The following SHC3 variants were observed in gnomAD, a reference collection of about 807,000 sequenced individuals.
SHC3 encodes SHC adaptor protein 3.
Under a neutral mutation model 60.4 loss-of-function variants are expected in SHC3, and 15 were observed. The ratio of observed to expected loss-of-function variants is 0.25; its 90% CI spans 0.17 to 0.38. The LOEUF is 0.38. Among genes scored for constraint, SHC3 ranks in the 10% least tolerant of loss-of-function variants. The pLI is 1.00. For missense variants in SHC3, 677 were observed against 786.1 expected, an observed-to-expected ratio of 0.86 and a Z score of 1.66; for synonymous variants, 294 against 325.9, an observed-to-expected ratio of 0.90 and a Z score of 1.05.
At chr9:89,078,537 G>A (rs1418262392) in intron 2 of SHC3, among the ~76,000 whole-genome samples, 4 of 152,198 alleles carry the variant, frequency 2.6e-5, no homozygotes, top group Admixed American at 6.5e-5. Flanking sequence ...GCAGGCATGG[G>A]TCCCGGTGGA....
At chr9:89,016,274 G>A (rs1011144655) in intron 11 of SHC3, among the ~76,000 whole-genome samples, 5 of 152,020 alleles carry the variant, frequency 3.3e-5, no homozygotes, top group East Asian at 1.9e-4. Context: ...CAGGAATAAC[G>A]GAATTCAACT....
intron 1 of SHC3, among the ~76,000 whole-genome samples, chr9:89,148,337 C>A (rs1444062276): frequency 6.6e-6 from 1 of 152,118 alleles, no homozygotes; most frequent in African/African-American, 2.4e-5. Flanking sequence ...GGAATCTGAT[C>A]TTAGCAAAGA....
chr9:89,059,525 G>A (rs1405468770), intron 6 of SHC3, among the ~76,000 whole-genome samples: 1 of 149,926 alleles, frequency 6.7e-6, no homozygotes, highest in Non-Finnish European at 1.5e-5. Context: ...GGATGTGGTG[G>A]AGGACAGTGG....
chr9:89,149,178 T>C (rs771767204), intron 1 of SHC3, among the ~76,000 whole-genome samples: 1 of 152,152 alleles, frequency 6.6e-6, no homozygotes, highest in Non-Finnish European at 1.5e-5. Flanking sequence ...CGCACACTGG[T>C]GTGGTAAGGA....
chr9:89,051,853 C>T (rs1306676972), intron 7 of SHC3, among the ~76,000 whole-genome samples, 184 bp downstream of exon 7: 1 of 152,216 alleles, frequency 6.6e-6, no homozygotes, highest in African/African-American at 2.4e-5. Context: ...AAGCATCATC[C>T]ATATGTTGGC....
chr9:89,177,856 T>G, intron 1 of SHC3, 131 bp downstream of exon 1: 1 of 1,114,078 alleles, frequency 9.0e-7, no homozygotes, highest in Non-Finnish European at 1.1e-6. Context: ...TGCTAAGGAG[T>G]GCGCATTTGC....
At chr9:89,113,258 T>C (rs944520445) in intron 1 of SHC3, among the ~76,000 whole-genome samples, 1 of 152,160 alleles carries the variant, frequency 6.6e-6, no homozygotes, top group Non-Finnish European at 1.5e-5. Flanking sequence ...GTTTCACACA[T>C]GAAAATGTAT....
intron 11 of SHC3, among the ~76,000 whole-genome samples, chr9:89,018,036 G>A (rs1010383733): frequency 5.3e-5 from 8 of 152,216 alleles, no homozygotes; most frequent in African/African-American, 2.4e-5. Context: ...CTTTTACACT[G>A]TTGGTGGGAG....
At chr9:89,033,567 G>A (rs545643471) in intron 11 of SHC3, among the ~76,000 whole-genome samples, 2 of 152,198 alleles carry the variant, frequency 1.3e-5, no homozygotes, top group South Asian at 2.1e-4. Flanking sequence ...CTCTTAACCT[G>A]TAAAAGCCCA....
chr9:89,159,849 G>T (rs1172777146), intron 1 of SHC3, among the ~76,000 whole-genome samples: 1 of 152,206 alleles, frequency 6.6e-6, no homozygotes, highest in Non-Finnish European at 1.5e-5. Flanking sequence ...CCAGATTAAG[G>T]TCTGCCTTTC....
chr9:89,018,780 G>A (rs1421023057), intron 11 of SHC3, among the ~76,000 whole-genome samples: 3 of 150,658 alleles, frequency 2.0e-5, no homozygotes, highest in South Asian at 4.2e-4. Flanking sequence ...TATGGGCTGG[G>A]CATGGTGGCT....
chr9:89,101,995 T>C (rs1385236143), intron 2 of SHC3, among the ~76,000 whole-genome samples: 1 of 152,174 alleles, frequency 6.6e-6, no homozygotes, highest in Non-Finnish European at 1.5e-5. Flanking sequence ...TTTAATTTAT[T>C]TAATAGATAC....
chr9:89,121,414 C>T (rs919431011), intron 1 of SHC3, among the ~76,000 whole-genome samples: 3 of 152,246 alleles, frequency 2.0e-5, no homozygotes, highest in Admixed American at 1.3e-4. Context: ...CCTCAGGCTC[C>T]CGAGTAGGTG....
intron 2 of SHC3, among the ~76,000 whole-genome samples, chr9:89,111,316 T>C (rs992214860): frequency 3.9e-5 from 6 of 152,208 alleles, no homozygotes; most frequent in African/African-American, 1.4e-4. Flanking sequence ...ACAGTTCCCA[T>C]ATTCCTCCAG....
At chr9:89,111,956 T>C (rs568206579) in intron 2 of SHC3, among the ~76,000 whole-genome samples, 11 of 152,338 alleles carry the variant, frequency 7.2e-5, no homozygotes, top group Non-Finnish European at 1.5e-4. Flanking sequence ...AGGTGTAAGC[T>C]CTACTGGGAG....
intron 2 of SHC3, among the ~76,000 whole-genome samples, chr9:89,089,160 T>C (rs1213541029): frequency 6.6e-6 from 1 of 152,216 alleles, no homozygotes; most frequent in Non-Finnish European, 1.5e-5. Flanking sequence ...TACTGGATGA[T>C]GCACCAGAAG....
At chr9:89,111,106 C>T (rs1261794068) in intron 2 of SHC3, among the ~76,000 whole-genome samples, 9 of 152,174 alleles carry the variant, frequency 5.9e-5, no homozygotes, top group Admixed American at 1.3e-4. Flanking sequence ...CGGAGAGTCA[C>T]GTTGTCCAGT....
chr9:89,081,046 A>C (rs1825437399), intron 2 of SHC3, among the ~76,000 whole-genome samples: 1 of 152,144 alleles, frequency 6.6e-6, no homozygotes, highest in Admixed American at 6.5e-5. Flanking sequence ...GATTACAAGC[A>C]TGAGCCACCA....
At chr9:89,145,550 T>A (rs181048943) in intron 1 of SHC3, among the ~76,000 whole-genome samples, 1 of 152,224 alleles carries the variant, frequency 6.6e-6, no homozygotes, top group Non-Finnish European at 1.5e-5. Flanking sequence ...ATGTAAGAGA[T>A]ATGAAGATAG....
Sources: allele counts gnomAD v4.1 joint callset (sites outside exome capture counted in the v4.1 genomes callset), GRCh38; gene constraint gnomAD v4.1.1; transcripts MANE v1.5; gene names NCBI Gene and HGNC (gene_info 2026-07-23, HGNC 2026-07-21).